MAGI3: variants seen among roughly 807,000 people sequenced by gnomAD.
MAGI3 encodes the protein membrane associated guanylate kinase, WW and PDZ domain containing 3.
Under a neutral mutation model 121.8 loss-of-function variants are expected in MAGI3, and 43 were observed. The ratio of observed to expected loss-of-function variants is 0.35; its 90% CI spans 0.28 to 0.46. The LOEUF (loss-of-function observed/expected upper bound fraction) is 0.46. Ranked by LOEUF, MAGI3 falls within the 20% of genes least tolerant of loss-of-function variation. MAGI3 has a pLI of 1.00. For synonymous variants in MAGI3, 553 were observed against 639.3 expected, an observed-to-expected ratio of 0.86 and a Z score of 2.04; for missense variants, 1,547 against 1,797.3, an observed-to-expected ratio of 0.86 and a Z score of 2.52.
intron 1 of MAGI3, among the ~76,000 whole-genome samples, chr1:113,482,012 G>A (rs932839234): frequency 6.6e-6 from 1 of 150,852 alleles, no homozygotes; most frequent in Non-Finnish European, 1.5e-5. Flanking sequence ...ACATAGTTCA[G>A]CATTCAGGAA....
intron 1 of MAGI3, among the ~76,000 whole-genome samples, chr1:113,424,335 A>G (rs972706042): frequency 1.3e-5 from 2 of 152,064 alleles, no homozygotes; most frequent in Non-Finnish European, 2.9e-5. Flanking sequence ...AGCACCACAG[A>G]CAAGATACAG....
At position 113,549,580 on chromosome 1, in the gene MAGI3, C is replaced by A; in HGVS notation, c.382C>A (p.His128Asn). 6.2e-7 allele frequency: 1 copy of A among 1,610,126 alleles called. No individual in the cohort carries two copies. The highest frequency in any genetic ancestry group is 8.5e-7 in the Non-Finnish European group (1 of 1,177,936). ...TCAGTTTCAAAAAGGATCAATTGAC[C>A]ACAAACTGCAGCAAGTGATCAGAGA... is the stretch of plus-strand genomic sequence containing the variant. ...SLQFQKGSIDHKLQQVIRDNL... is the reference protein window; with the variant it reads ...SLQFQKGSIDNKLQQVIRDNL... The change falls in exon 2 of 21, where the codon CAC (histidine) becomes AAC (asparagine). Residue 128 changes from histidine (H) to asparagine (N), a missense_variant. Coordinates refer to ENST00000307546, the MANE Select transcript of MAGI3 (RefSeq NM_001142782.2).
intron 6 of MAGI3, among the ~76,000 whole-genome samples, chr1:113,613,034 A>G (rs967526273): frequency 4.7e-4 from 72 of 152,214 alleles, no homozygotes; most frequent in East Asian, 1.9e-4. Context: ...AGAAAAAAAT[A>G]TTTTTCATGG....
rs1653350229 is a variant in MAGI3 at position 113,654,243 on chromosome 1, C to T, written c.2629+225C>T. On this transcript the variant is annotated intron_variant, in intron 15 of 20. Coordinates refer to ENST00000307546, the MANE Select transcript of MAGI3 (RefSeq NM_001142782.2). ...ACATTCTATAAAATATTTAATAAGTCTCAGTAGCTCCATTTGCCTCAAGGT... is the reference window on the plus strand; with the variant it reads ...ACATTCTATAAAATATTTAATAAGTTTCAGTAGCTCCATTTGCCTCAAGGT... Among the ~76,000 whole-genome samples the T allele has an allele frequency of 2.6e-5, 4 of 152,244 alleles. No homozygotes were observed. In the South Asian group the frequency reaches 8.3e-4, roughly 32 times the overall value.
intron 1 of MAGI3, among the ~76,000 whole-genome samples, chr1:113,461,231 A>G (rs553994792): frequency 1.3e-5 from 2 of 152,226 alleles, no homozygotes; most frequent in East Asian, 1.9e-4. Context: ...AGAAAAAACT[A>G]GTTTAAAACC....
chr1:113,539,639 C>T (rs1659179351), intron 1 of MAGI3, among the ~76,000 whole-genome samples: 1 of 151,922 alleles, frequency 6.6e-6, no homozygotes, highest in South Asian at 2.1e-4. Flanking sequence ...GTGCGCTGCA[C>T]CCACTAACTC....
chr1:113,644,304 G>A (rs7519133), intron 11 of MAGI3, among the ~76,000 whole-genome samples: 3,277 of 151,386 alleles, frequency 0.022, 113 homozygotes, highest in African/African-American at 0.075. Context: ...TTTTTGAGAC[G>A]GAGTCTTGCT....
intron 1 of MAGI3, among the ~76,000 whole-genome samples, chr1:113,490,066 A>G (rs1656593561): frequency 6.6e-6 from 1 of 152,170 alleles, no homozygotes; most frequent in Non-Finnish European, 1.5e-5. Flanking sequence ...CACAAAGAAG[A>G]TCATCCCCAA....
At chr1:113,525,723 T>C (rs1489808450) in intron 1 of MAGI3, among the ~76,000 whole-genome samples, 2 of 151,968 alleles carry the variant, frequency 1.3e-5, no homozygotes, top group Non-Finnish European at 2.9e-5. Context: ...TCATTAAAAA[T>C]AAAATACATA....
intron 1 of MAGI3, among the ~76,000 whole-genome samples, chr1:113,477,086 T>C (rs1445695862): frequency 6.6e-6 from 1 of 152,110 alleles, no homozygotes; most frequent in Non-Finnish European, 1.5e-5. Flanking sequence ...TTGATAGATC[T>C]TCCTCCATCC....
intron 9 of MAGI3, among the ~76,000 whole-genome samples, chr1:113,639,912 C>T (rs1488540667): frequency 6.6e-6 from 1 of 152,106 alleles, no homozygotes; most frequent in African/African-American, 2.4e-5. Context: ...GCCATGTTAG[C>T]CAGGCTGGTG....
At chr1:113,531,671 G>A (rs1027680298) in intron 1 of MAGI3, among the ~76,000 whole-genome samples, 1 of 117,362 alleles carries the variant, frequency 8.5e-6, no homozygotes, top group Non-Finnish European at 1.6e-5. Flanking sequence ...TTTGGTGGTA[G>A]TTTTTCCCCG....
chr1:113,631,355 G>GT (rs1332339462), intron 9 of MAGI3, among the ~76,000 whole-genome samples: 1 of 152,116 alleles, frequency 6.6e-6, no homozygotes, highest in Non-Finnish European at 1.5e-5. Flanking sequence ...TGGTGTTTCT[G>GT]TGGGGGTAGG....
In MAGI3 at chr1:113,390,795, G is replaced by A. The variant is rs895481145; in HGVS notation, c.-239G>A. 2.8e-4 allele frequency: 65 copies of A among 231,898 alleles called. No individual in the cohort carries two copies. Among genetic ancestry groups the A allele is most frequent in the African/African-American group, 1.2e-3 (54 of 43,316 alleles). 14.4% of individuals were successfully genotyped at this position (231,898 alleles called of 1,614,324 possible). A position where few individuals can be genotyped will look rare whatever the true frequency, so the allele number is the denominator to read the frequency against. Reference sequence around the variant, plus strand: ...TCCTTTCTTCAGCCTAACCCGCGGTGGCCCTCGCGGAGTCCGGTCAGCCCC... The same window carrying A: ...TCCTTTCTTCAGCCTAACCCGCGGTAGCCCTCGCGGAGTCCGGTCAGCCCC... On this transcript the variant is annotated 5_prime_UTR_variant, in exon 1 of 21. Coordinates refer to ENST00000307546, the MANE Select transcript of MAGI3 (RefSeq NM_001142782.2).
chr1:113,607,776 A>G (rs1405962370), intron 6 of MAGI3, among the ~76,000 whole-genome samples: 2 of 152,216 alleles, frequency 1.3e-5, no homozygotes, highest in Non-Finnish European at 2.9e-5. Flanking sequence ...CTAATTTTCT[A>G]TCTATCTCTC....
chr1:113,639,284 G>T (rs556678201), intron 9 of MAGI3, among the ~76,000 whole-genome samples: 8 of 152,208 alleles, frequency 5.3e-5, no homozygotes, highest in African/African-American at 1.7e-4. Context: ...AGATGAACCC[G>T]GTACCTCAGA....
intron 1 of MAGI3, among the ~76,000 whole-genome samples, chr1:113,473,999 G>A (rs1251284795): frequency 6.9e-6 from 1 of 145,922 alleles, no homozygotes; most frequent in Non-Finnish European, 1.5e-5. Context: ...ATTTTGATTT[G>A]CATTTCTCTG....
In MAGI3 at chr1:113,684,223, A is replaced by T; in HGVS notation, c.*209A>T. 2.1e-6 allele frequency: 1 copy of T among 470,466 alleles called. No homozygotes were observed. The highest frequency in any genetic ancestry group is 3.6e-6 in the Non-Finnish European group (1 of 278,232). The allele number at this position is 470,466 out of a possible 1,614,324, so 29.1% of individuals were successfully genotyped here. On this transcript the variant is annotated 3_prime_UTR_variant, in exon 21 of 21. Transcript: ENST00000307546. ...CCGGCTGCCCTCCCTCGCTCTCAGG[A>T]AGGAGCTGCATCCACATGCTCATCT...
chr1:113,586,284 A>C (rs1648360967), intron 4 of MAGI3, among the ~76,000 whole-genome samples: 1 of 152,218 alleles, frequency 6.6e-6, no homozygotes, highest in African/African-American at 2.4e-5. Context: ...TAAACTTCAT[A>C]GGGCTGAAGT....
Sources: gnomAD v4.1 joint callset for allele counts (sites outside exome capture counted in the v4.1 genomes callset) on GRCh38, gnomAD v4.1.1 for gene constraint, MANE v1.5 for transcripts, NCBI Gene and HGNC (gene_info 2026-07-23, HGNC 2026-07-21) for gene names.